The following EVI5 variants were observed in gnomAD, a reference collection of about 807,000 sequenced individuals.
EVI5 encodes the protein ecotropic viral integration site 5 protein homolog.
A neutral mutation model predicts 112.0 loss-of-function variants in EVI5; 73 were observed. The ratio of observed to expected loss-of-function variants is 0.65; its 90% CI spans 0.54 to 0.79. EVI5 has a LOEUF of 0.79. Ranked by LOEUF, EVI5 falls within the 30% of genes least tolerant of loss-of-function variation. The probability of loss-of-function intolerance (pLI) is 0.00; values close to 1 mark genes in which losing one functional copy is unlikely to be tolerated. For missense variants in EVI5, 900 were observed against 968.8 expected (o/e 0.93, Z 0.94); for synonymous variants, 305 against 319.9 (o/e 0.95, Z 0.50).
At chr1:92,743,307 C>T (rs1362062595) in intron 1 of EVI5, among the ~76,000 whole-genome samples, 3 of 151,804 alleles carry the variant, frequency 2.0e-5, no homozygotes, top group South Asian at 2.1e-4. Flanking sequence ...GCATCAAGAT[C>T]GTGCCACTGC....
chr1:92,517,627 G>A (rs374837566), intron 19 of EVI5, among the ~76,000 whole-genome samples: 18 of 152,294 alleles, frequency 1.2e-4, no homozygotes, highest in South Asian at 2.1e-4. Flanking sequence ...AAGCTGTTCC[G>A]GGCCAATTCT....
intron 19 of EVI5, among the ~76,000 whole-genome samples, chr1:92,552,643 G>C (rs1274450627): frequency 6.6e-6 from 1 of 152,134 alleles, no homozygotes; most frequent in Non-Finnish European, 1.5e-5. Flanking sequence ...GGTCCTCTGA[G>C]TATCAGATTC....
At chr1:92,773,609 T>G (rs1241148878) in intron 1 of EVI5, among the ~76,000 whole-genome samples, 2 of 151,950 alleles carry the variant, frequency 1.3e-5, no homozygotes, top group Admixed American at 6.6e-5. Flanking sequence ...ACTACTGCAC[T>G]CCAGCCTGGG....
chr1:92,749,482 GGA>G (rs1679847966), intron 1 of EVI5, among the ~76,000 whole-genome samples: 1 of 151,904 alleles, frequency 6.6e-6, no homozygotes, highest in South Asian at 2.1e-4. Flanking sequence ...TTTTCCAACA[GGA>G]GAGACTGCCT....
chr1:92,612,296 CA>C (rs1413838908), intron 16 of EVI5, among the ~76,000 whole-genome samples: 1 of 151,722 alleles, frequency 6.6e-6, no homozygotes, highest in Non-Finnish European at 1.5e-5. Context: ...AAAAAAGGAA[CA>C]AAAAAGAAAG....
chr1:92,520,405 T>A (rs1660707997), intron 19 of EVI5, among the ~76,000 whole-genome samples: 1 of 152,194 alleles, frequency 6.6e-6, no homozygotes, highest in South Asian at 2.1e-4. Context: ...GATGTAAATG[T>A]AAACTAATGA....
At chr1:92,581,707 CTATT>C (rs986603247) in intron 18 of EVI5, among the ~76,000 whole-genome samples, 3 of 142,270 alleles carry the variant, frequency 2.1e-5, no homozygotes, top group Admixed American at 7.0e-5. Context: ...AAAAAAAAAA[CTATT>C]TACTATTTTG....
At chr1:92,545,312 G>C (rs1665495490) in intron 19 of EVI5, among the ~76,000 whole-genome samples, 2 of 152,026 alleles carry the variant, frequency 1.3e-5, no homozygotes, top group East Asian at 1.9e-4. Context: ...CTGGCCTCAA[G>C]TGATCCTCCT....
At chr1:92,524,130 C>A (rs543161813) in intron 19 of EVI5, among the ~76,000 whole-genome samples, 2 of 148,168 alleles carry the variant, frequency 1.3e-5, no homozygotes, top group South Asian at 4.3e-4. Flanking sequence ...AAAGAAACTG[C>A]CTGGGTTTAT....
intron 10 of EVI5, among the ~76,000 whole-genome samples, chr1:92,676,074 T>C (rs1444230206): frequency 6.9e-6 from 1 of 145,210 alleles, no homozygotes; most frequent in Non-Finnish European, 1.5e-5. Context: ...TTTCTATATA[T>C]ATAAAAAATG....
intron 19 of EVI5, among the ~76,000 whole-genome samples, chr1:92,521,798 T>A (rs780629263): frequency 1.9e-4 from 29 of 152,264 alleles, no homozygotes; most frequent in Non-Finnish European, 3.7e-4. Flanking sequence ...TTTTAAAAGC[T>A]TAACAGCATA....
upstream of EVI5, chr1:92,785,123 G>A (rs373777092): frequency 6.1e-4 from 602 of 985,380 alleles, no homozygotes; most frequent in African/African-American, 7.2e-3. Flanking sequence ...CGCAGGCGCG[G>A]GAGGGCCTTA....
At position 92,590,084 on chromosome 1, in the gene EVI5, G is replaced by A. The variant is rs1029609446; in HGVS notation, c.2070+15223C>T. Among the ~76,000 whole-genome samples, 11 of 152,270 alleles carry A rather than the reference G, an allele frequency of 7.2e-5. 1 individual carries two copies. The highest frequency in any genetic ancestry group is 5.2e-4 in the Admixed American group (8 of 15,290). On this transcript the variant is annotated intron_variant, in intron 18 of 19. Transcript: ENST00000684568. ...CTGTTAGAAGGAAAACTAACAAACA[G>A]AAAGGACATCCACACCAAAACCCCA...
intron 19 of EVI5, among the ~76,000 whole-genome samples, chr1:92,547,754 G>T (rs1666018698): frequency 6.6e-6 from 1 of 152,164 alleles, no homozygotes; most frequent in Admixed American, 6.6e-5. Flanking sequence ...TAGAAGAAAT[G>T]GATAAGTTCC....
chr1:92,733,692 G>A (rs1050079710), intron 2 of EVI5, among the ~76,000 whole-genome samples: 10 of 151,972 alleles, frequency 6.6e-5, no homozygotes, highest in African/African-American at 1.9e-4. Context: ...GATTACAGGC[G>A]TGAGACACAG....
At chr1:92,566,449 TAAAGA>T (rs771471407) in intron 18 of EVI5, among the ~76,000 whole-genome samples, 10 of 152,212 alleles carry the variant, frequency 6.6e-5, no homozygotes, top group Non-Finnish European at 1.3e-4. Context: ...GGTGCTGGTG[TAAAGA>T]AATCTACTGT....
intron 1 of EVI5, among the ~76,000 whole-genome samples, chr1:92,763,063 G>A (rs547539310): frequency 7.0e-4 from 107 of 152,026 alleles, no homozygotes; most frequent in Non-Finnish European, 1.4e-3. Context: ...GAGTCCAGGA[G>A]TTCGAGACCA....
chr1:92,648,190 C>CAAAAAAAAAAA (rs961901260), intron 13 of EVI5, among the ~76,000 whole-genome samples: 11 of 24,086 alleles, frequency 4.6e-4, no homozygotes, highest in Middle Eastern at 0.013. Flanking sequence ...ACTAAAAATA[C>CAAAAAAAAAAA]AAAAAAAAAA....
chr1:92,583,234 C>T (rs561229464), intron 18 of EVI5, among the ~76,000 whole-genome samples: 38 of 151,932 alleles, frequency 2.5e-4, no homozygotes, highest in Non-Finnish European at 4.1e-4. Flanking sequence ...TGGGGTCAGG[C>T]GCGGTGGCTC....
Sources: allele counts gnomAD v4.1 joint callset (sites outside exome capture counted in the v4.1 genomes callset), GRCh38; gene constraint gnomAD v4.1.1; transcripts MANE v1.5; gene names NCBI Gene and HGNC (gene_info 2026-07-23, HGNC 2026-07-21).